The following EML5 variants were observed in gnomAD, a reference collection of about 807,000 sequenced individuals.
EML5 encodes echinoderm microtubule-associated protein-like 5.
EML5 carries 120 observed loss-of-function variants against 250.0 expected under a neutral mutation model. The ratio of observed to expected loss-of-function variants is 0.48; its 90% confidence interval spans 0.41 to 0.56. The LOEUF (loss-of-function observed/expected upper bound fraction) is 0.56. Among genes scored for constraint, EML5 ranks in the 20% least tolerant of loss-of-function variants. The probability of loss-of-function intolerance (pLI) is 0.00; values close to 1 mark genes in which losing one functional copy is unlikely to be tolerated. For synonymous variants in EML5, 771 were observed against 806.5 expected, an observed-to-expected ratio of 0.96 and a Z score of 0.75; for missense variants, 2,006 against 2,437.6, an observed-to-expected ratio of 0.82 and a Z score of 3.73.
In EML5 at chr14:88,671,479, C is replaced by T. The variant is rs556873430; in HGVS notation, c.3125-5990G>A. ...TGAAGTACGAAAATCAATGATACTACGAAGCAACTACATTAAGTGTGCAAC... is the reference window on the plus strand; with the variant it reads ...TGAAGTACGAAAATCAATGATACTATGAAGCAACTACATTAAGTGTGCAAC... On this transcript the variant is annotated intron_variant, in intron 21 of 43. Coordinates refer to ENST00000554922, the MANE Select transcript of EML5 (RefSeq NM_183387.3). Among the ~76,000 whole-genome samples the T allele has an allele frequency of 1.3e-4, 20 of 152,224 alleles. 1 individual carries two copies. The highest frequency in any genetic ancestry group is 6.2e-4 in the South Asian group (3 of 4,824).
chr14:88,658,472 A>G, intron 25 of EML5, 84 bp from the exon 26 acceptor site: 1 of 1,086,278 alleles, frequency 9.2e-7, no homozygotes, highest in Non-Finnish European at 1.3e-6. Context: ...TTTTATTAAT[A>G]ATTAAAAATT....
chr14:88,792,719 CGCGA>C lies in EML5; in HGVS notation c.-220_-217del. Reference sequence around the variant, plus strand: ...TCGCCTCGCGGAACATGCTGAGGGCCGCGAGCGCCGCCGGCTGTCAAGTGGATGC... The same window carrying C: ...TCGCCTCGCGGAACATGCTGAGGGCCGCGCCGCCGGCTGTCAAGTGGATGC... On this transcript the variant is annotated 5_prime_UTR_variant, in exon 1 of 44. Transcript: ENST00000554922. The surrounding 1 kb of genome is among the most constrained non-coding windows in gnomAD (Gnocchi z 6.9). 9.1e-7 allele frequency: 1 copy of C among 1,095,906 alleles called. No homozygotes were observed. The highest frequency in any genetic ancestry group is 5.3e-5 in the East Asian group (1 of 18,850). The allele number at this position is 1,095,906 out of a possible 1,614,324, so 67.9% of individuals were successfully genotyped here. A position where few individuals can be genotyped will look rare whatever the true frequency, so the allele number is the denominator to read the frequency against.
intron 1 of EML5, among the ~76,000 whole-genome samples, chr14:88,770,854 T>A (rs961349413): frequency 6.6e-6 from 1 of 152,220 alleles, no homozygotes; most frequent in African/African-American, 2.4e-5. Context: ...TTATTACCCA[T>A]CCATATTGTG....
intron 8 of EML5, among the ~76,000 whole-genome samples, chr14:88,719,091 A>G (rs1450910622): frequency 6.6e-6 from 1 of 152,230 alleles, no homozygotes; most frequent in African/African-American, 2.4e-5. Context: ...GGTAGAATCT[A>G]AAATGACAAT....
intron 1 of EML5, among the ~76,000 whole-genome samples, chr14:88,760,525 A>G (rs1449192227): frequency 3.9e-5 from 6 of 152,310 alleles, no homozygotes; most frequent in African/African-American, 7.2e-5. Flanking sequence ...TAACCTATGT[A>G]TCTATCCTTT....
intron 21 of EML5, among the ~76,000 whole-genome samples, chr14:88,678,270 A>C (rs575352020): frequency 6.6e-6 from 1 of 152,178 alleles, no homozygotes; most frequent in East Asian, 1.9e-4. Flanking sequence ...AGAGGAACAC[A>C]CACTGGGGCC....
chr14:88,718,293 A>C (rs1383200318), intron 8 of EML5, among the ~76,000 whole-genome samples: 1 of 152,210 alleles, frequency 6.6e-6, no homozygotes, highest in East Asian at 1.9e-4. Flanking sequence ...ATCCAGGGTC[A>C]TTAGGCTATG....
chr14:88,775,996 G>GCC (rs2094444151), intron 1 of EML5, among the ~76,000 whole-genome samples: 1 of 151,432 alleles, frequency 6.6e-6, no homozygotes, highest in African/African-American at 2.4e-5. Context: ...AGAATTCTCC[G>GCC]GGATCTTGTC....
intron 23 of EML5, among the ~76,000 whole-genome samples, 176 bp from the exon 24 acceptor site, chr14:88,663,295 A>G (rs1289797141): frequency 6.6e-6 from 1 of 152,194 alleles, no homozygotes; most frequent in Non-Finnish European, 1.5e-5. Flanking sequence ...TTACTAAGTA[A>G]CTAAATTCAT....
At chr14:88,780,065 C>T (rs2094482527) in intron 1 of EML5, among the ~76,000 whole-genome samples, 1 of 152,114 alleles carries the variant, frequency 6.6e-6, no homozygotes, top group Non-Finnish European at 1.5e-5. Context: ...GATTCTCCTG[C>T]CTCAGCATCC....
chr14:88,752,436 A>G (rs2094109804), intron 2 of EML5, among the ~76,000 whole-genome samples: 1 of 152,226 alleles, frequency 6.6e-6, no homozygotes, highest in Non-Finnish European at 1.5e-5. Flanking sequence ...TTCTGACAGA[A>G]CATTAAGACT....
intron 11 of EML5, 30 bp downstream of exon 11, chr14:88,706,229 G>A (rs1368726394): frequency 2.0e-6 from 3 of 1,526,564 alleles, no homozygotes; most frequent in Non-Finnish European, 2.6e-6. Context: ...ATTTGACAGG[G>A]AAACTGTTTA....
In EML5 at chr14:88,614,503, G is replaced by C. The variant is rs1472672879; in HGVS notation, c.*1315C>G. On this transcript the variant is annotated 3_prime_UTR_variant, in exon 44 of 44. Transcript: ENST00000554922. ...TTAAGAATCTTCATATATCCTGTCA[G>C]ACCAAATGGGATTCCAGGAACCTAA... 1 of 152,144 alleles carries C rather than the reference G, an allele frequency of 6.6e-6. No homozygotes were observed. The highest frequency in any genetic ancestry group is 1.9e-4 in the East Asian group (1 of 5,196). 9.4% of individuals were successfully genotyped at this position (152,144 alleles called of 1,614,324 possible). A position where few individuals can be genotyped will look rare whatever the true frequency, so the allele number is the denominator to read the frequency against.
intron 10 of EML5, among the ~76,000 whole-genome samples, chr14:88,707,765 G>C (rs1039584680): frequency 6.6e-6 from 1 of 152,028 alleles, no homozygotes; most frequent in Non-Finnish European, 1.5e-5. Flanking sequence ...CTTAATATAA[G>C]TCACTAATTT....
Position 88,762,003 on chromosome 14 carries a change from C to T in EML5, c.198-7332G>A, listed in dbSNP as rs901297988. Among the ~76,000 whole-genome samples, 59 of 152,232 alleles carry T rather than the reference C, an allele frequency of 3.9e-4. 1 individual carries two copies. Among genetic ancestry groups the T allele is most frequent in the African/African-American group, 1.3e-3 (56 of 41,538 alleles). ...ATAAATGTCTTCTTTTGAGAAGTGT[C>T]AGTTCATATCCTTAGCCCACTTTTT... On this transcript the variant is annotated intron_variant, in intron 1 of 43. Transcript: ENST00000554922.
At chr14:88,769,201 G>A (rs1428659065) in intron 1 of EML5, among the ~76,000 whole-genome samples, 1 of 152,188 alleles carries the variant, frequency 6.6e-6, no homozygotes, top group Non-Finnish European at 1.5e-5. Flanking sequence ...AATGCTGGAG[G>A]TGGAGCCTGA....
At chr14:88,653,187 G>A (rs2091714269) in intron 27 of EML5, among the ~76,000 whole-genome samples, 1 of 152,176 alleles carries the variant, frequency 6.6e-6, no homozygotes, top group Non-Finnish European at 1.5e-5. Flanking sequence ...AGCTTAAGAA[G>A]ATTTTGGGCT....
Position 88,681,897 on chromosome 14 carries a change from C to T in EML5, c.3117G>A (p.Leu1039=), listed in dbSNP as rs1186822176. ...AGTGTGAGAGCCTCTTACCCTTTTT[C>T]AGCTTCCGGACAGCCAACATACAAT... The part of the protein sequence containing the change: ...PSHCMLAVRK[L]KKGGRCCCFS... The change falls in exon 21 of 44, where the codon CTG becomes CTA. Residue 1039 remains leucine, a synonymous_variant. Transcript: ENST00000554922. 3 of 1,603,410 alleles carry T rather than the reference C, an allele frequency of 1.9e-6. 1 individual carries two copies. The Admixed American group carries it at 5.2e-5, about 28-fold the overall frequency.
intron 1 of EML5, among the ~76,000 whole-genome samples, chr14:88,776,441 A>G (rs893926810): frequency 6.6e-6 from 1 of 152,156 alleles, no homozygotes; most frequent in Non-Finnish European, 1.5e-5. Flanking sequence ...AGAACCAAAC[A>G]GAAATCCTGG....
Sources: gnomAD v4.1 joint callset for allele counts (sites outside exome capture counted in the v4.1 genomes callset) on GRCh38, gnomAD v4.1.1 for gene constraint, Gnocchi (gnomAD v3.1) non-coding constraint, MANE v1.5 for transcripts, NCBI Gene and HGNC (gene_info 2026-07-23, HGNC 2026-07-21) for gene names.